Variants in PDE1C observed in about 807,000 individuals in gnomAD.
PDE1C encodes the protein dual specificity calcium/calmodulin-dependent 3',5'-cyclic nucleotide phosphodiesterase 1C.
In PDE1C, 62 loss-of-function variants were observed where a neutral mutation model predicts 93.1. That is an observed-to-expected ratio of 0.67 (90% CI 0.54 to 0.82). The LOEUF (loss-of-function observed/expected upper bound fraction) is 0.82. PDE1C is among the 40% of genes least tolerant of loss of function. PDE1C has a pLI of 0.00. For missense variants in PDE1C, 742 were observed against 884.6 expected (o/e 0.84, Z 2.04); for synonymous variants, 325 against 310.1 (o/e 1.05, Z -0.50).
chr7:32,080,284 C>T (rs181959935), intron 3 of PDE1C, among the ~76,000 whole-genome samples: 30 of 152,258 alleles, frequency 2.0e-4, no homozygotes, highest in Non-Finnish European at 3.7e-4. Flanking sequence ...CCACTGTCCC[C>T]TGTCCCCCTG....
At chr7:31,718,861 A>G in the PDE1C span, among the ~76,000 whole-genome samples, 1 of 152,116 alleles carries the variant, frequency 6.6e-6, no homozygotes, top group Admixed American at 6.5e-5. Context: ...TCCTGGGATC[A>G]CCTCGGGGGG....
intron 1 of PDE1C, among the ~76,000 whole-genome samples, chr7:32,307,469 C>T (rs1477024420): frequency 1.3e-5 from 2 of 152,172 alleles, no homozygotes; most frequent in African/African-American, 4.8e-5. Flanking sequence ...CACTAAACTG[C>T]AAGGGGTGGG....
At chr7:32,124,921 A>G (rs1163851362) in intron 3 of PDE1C, among the ~76,000 whole-genome samples, 1 of 152,224 alleles carries the variant, frequency 6.6e-6, no homozygotes, top group Non-Finnish European at 1.5e-5. Flanking sequence ...AACTATCATT[A>G]GAGTAAACAG....
intron 3 of PDE1C, among the ~76,000 whole-genome samples, chr7:32,109,605 C>G (rs1057107423): frequency 6.6e-6 from 1 of 152,100 alleles, no homozygotes; most frequent in African/African-American, 2.4e-5. Flanking sequence ...CAGACATTGT[C>G]AGATGTCCCT....
the PDE1C span, among the ~76,000 whole-genome samples, chr7:31,724,095 C>A: frequency 1.3e-5 from 2 of 152,148 alleles, no homozygotes; most frequent in Non-Finnish European, 2.9e-5. Flanking sequence ...TCTGCCCTAC[C>A]TCTGCTGTCA....
intron 1 of PDE1C, among the ~76,000 whole-genome samples, chr7:32,240,980 G>T (rs1290187620): frequency 1.3e-5 from 2 of 152,172 alleles, no homozygotes; most frequent in African/African-American, 4.8e-5. Flanking sequence ...AAAGAGGCAG[G>T]TCAAGGATGA....
At chr7:31,694,966 G>A in the PDE1C span, among the ~76,000 whole-genome samples, 1 of 152,134 alleles carries the variant, frequency 6.6e-6, no homozygotes, top group Admixed American at 6.5e-5. Context: ...AAAACCCAAG[G>A]TCTGGATCAC....
At chr7:31,897,422 G>A (rs1349232951) in intron 2 of PDE1C, among the ~76,000 whole-genome samples, 2 of 152,132 alleles carry the variant, frequency 1.3e-5, no homozygotes, top group Non-Finnish European at 2.9e-5. Flanking sequence ...AGCTATCTTT[G>A]AAACCAGTTT....
At chr7:32,373,686 C>T (rs11764635) in intron 1 of PDE1C, among the ~76,000 whole-genome samples, 2,072 of 152,272 alleles carry the variant, frequency 0.014, 32 homozygotes, top group Middle Eastern at 0.041. Context: ...TGACATTCCT[C>T]CCATAGAAAA....
At chr7:32,057,958 GTA>G (rs1563262747) in intron 1 of PDE1C, among the ~76,000 whole-genome samples, 1 of 152,158 alleles carries the variant, frequency 6.6e-6, no homozygotes, top group African/African-American at 2.4e-5. Context: ...TTTAAAGTGA[GTA>G]TCTTTGAACA....
the PDE1C span, among the ~76,000 whole-genome samples, chr7:31,648,099 G>C: frequency 6.6e-6 from 1 of 152,096 alleles, no homozygotes. Context: ...TCAGAAATAA[G>C]ATTTCTGAAT....
intron 2 of PDE1C, among the ~76,000 whole-genome samples, chr7:32,045,404 G>T (rs1792411743): frequency 6.6e-6 from 1 of 152,186 alleles, no homozygotes; most frequent in East Asian, 1.9e-4. Flanking sequence ...TCTCATGGCT[G>T]ATGCACTTGT....
chr7:31,632,127 G>A, the PDE1C span, among the ~76,000 whole-genome samples: 2,068 of 152,260 alleles, frequency 0.014, 55 homozygotes, highest in African/African-American at 0.047. Context: ...AGACAACACA[G>A]ATCAATTTCA....
At chr7:32,328,394 A>G (rs1428895830) in intron 1 of PDE1C, among the ~76,000 whole-genome samples, 1 of 152,178 alleles carries the variant, frequency 6.6e-6, no homozygotes, top group Non-Finnish European at 1.5e-5. Flanking sequence ...TTCTTAAAAC[A>G]TTGTGATGGC....
At chr7:31,768,695 A>C (rs1010751241) in intron 17 of PDE1C, among the ~76,000 whole-genome samples, 2 of 152,164 alleles carry the variant, frequency 1.3e-5, no homozygotes, top group African/African-American at 4.8e-5. Context: ...CTAGTCACTC[A>C]AATTTACCAA....
intron 1 of PDE1C, among the ~76,000 whole-genome samples, chr7:32,374,381 A>G (rs1438666112): frequency 2.0e-5 from 3 of 152,234 alleles, no homozygotes; most frequent in African/African-American, 7.2e-5. Flanking sequence ...TCAATATAGT[A>G]TGGACAGGAG....
chr7:32,151,768 C>A (rs1269428260), intron 3 of PDE1C, among the ~76,000 whole-genome samples: 1 of 152,030 alleles, frequency 6.6e-6, no homozygotes, highest in African/African-American at 2.4e-5. Context: ...CATGAAGAGG[C>A]AGGAAGAAGG....
rs1397432631 is a variant in PDE1C, at chr7:31,815,926, T to C, written c.1811A>G (p.Asn604Ser). 1.9e-5 allele frequency: 30 copies of C among 1,603,796 alleles called. No individual in the cohort carries two copies. The highest frequency in any genetic ancestry group is 2.6e-5 in the Non-Finnish European group (30 of 1,170,636). Reference protein sequence around the residue: ...AEKSSGEQQQNGDFKDGKNKT... With the variant: ...AEKSSGEQQQSGDFKDGKNKT... The stretch of plus-strand genomic sequence containing the variant: ...TTCACCAGTGTAAGTCTACTCACCA[T>C]TCTGTTGCTGTTCTCCTGATGACTT... Residue 604 changes from asparagine to serine, a missense_variant and splice_region_variant, in exon 15 of 18, where the codon AAT becomes AGT. Asn to Ser is a conservative substitution (Grantham distance 46). Transcript: ENST00000396191.
chr7:32,392,260 C>A (rs1049148698), intron 1 of PDE1C, among the ~76,000 whole-genome samples: 4 of 152,074 alleles, frequency 2.6e-5, no homozygotes. Flanking sequence ...GTTAGAAAAT[C>A]TGACTAAACC....
Sources: gnomAD v4.1 joint callset for allele counts (sites outside exome capture counted in the v4.1 genomes callset) on GRCh38, gnomAD v4.1.1 for gene constraint, MANE v1.5 for transcripts, NCBI Gene and HGNC (gene_info 2026-07-23, HGNC 2026-07-21) for gene names.